DPP6: variants seen among roughly 807,000 people sequenced by gnomAD.
The protein encoded by DPP6 is dipeptidyl peptidase like 6.
DPP6 carries 69 observed loss-of-function variants against 122.6 expected under a neutral mutation model. That is an observed-to-expected ratio of 0.56 (90% CI 0.46 to 0.69). The LOEUF (loss-of-function observed/expected upper bound fraction) is 0.69. Among genes scored for constraint, DPP6 ranks in the 30% least tolerant of loss-of-function variants. The pLI is 0.00. For synonymous variants in DPP6, 418 were observed against 433.1 expected, an observed-to-expected ratio of 0.97 and a Z score of 0.43; for missense variants, 928 against 1,116.9, an observed-to-expected ratio of 0.83 and a Z score of 2.41.
At chr7:154,187,323 A>G (rs1798398128) in intron 1 of DPP6, among the ~76,000 whole-genome samples, 1 of 152,254 alleles carries the variant, frequency 6.6e-6, no homozygotes, top group Admixed American at 6.5e-5. Flanking sequence ...AGACCATTCT[A>G]CTTGCTGTGG....
intron 1 of DPP6, among the ~76,000 whole-genome samples, chr7:154,358,967 A>G (rs751595419): frequency 6.6e-6 from 1 of 152,170 alleles, no homozygotes; most frequent in East Asian, 1.9e-4. Flanking sequence ...CGGCCTCCCA[A>G]AGTGCTGGGA....
chr7:153,856,768 G>A, the DPP6 span, among the ~76,000 whole-genome samples: 1 of 152,144 alleles, frequency 6.6e-6, no homozygotes. Context: ...GGCATAATAT[G>A]TAATCATCCA....
At chr7:154,538,962 A>G (rs1473411106) in intron 3 of DPP6, among the ~76,000 whole-genome samples, 1 of 152,258 alleles carries the variant, frequency 6.6e-6, no homozygotes, top group African/African-American at 2.4e-5. Flanking sequence ...CATAATGCAT[A>G]AAGTAGATTG....
At chr7:154,557,912 T>C (rs1010998592) in intron 4 of DPP6, among the ~76,000 whole-genome samples, 15 of 152,184 alleles carry the variant, frequency 9.9e-5, no homozygotes, top group Non-Finnish European at 1.8e-4. Flanking sequence ...ACAAAATCTA[T>C]TTAAGTAATT....
At chr7:154,280,059 CAGTT>C (rs112137170) in intron 1 of DPP6, among the ~76,000 whole-genome samples, 1 of 152,238 alleles carries the variant, frequency 6.6e-6, no homozygotes, top group African/African-American at 2.4e-5. Flanking sequence ...ACCTAGATGA[CAGTT>C]AAACAATTGT....
At chr7:153,803,807 GTATA>G in the DPP6 span, among the ~76,000 whole-genome samples, 9 of 149,440 alleles carry the variant, frequency 6.0e-5, no homozygotes, top group East Asian at 1.8e-3. Context: ...GGATATATAT[GTATA>G]TATAGAAACA....
chr7:154,139,842 C>T (rs1412360575), intron 1 of DPP6, among the ~76,000 whole-genome samples: 1 of 152,188 alleles, frequency 6.6e-6, no homozygotes, highest in Admixed American at 6.5e-5. Flanking sequence ...TCTTTCTTCC[C>T]TCCAGCAACA....
intron 2 of DPP6, 144 bp from the exon 3 acceptor site, chr7:154,474,795 G>C: frequency 3.3e-6 from 2 of 606,122 alleles, no homozygotes; most frequent in Non-Finnish European, 5.7e-6. Flanking sequence ...CAGAATGCAA[G>C]ACTGGCTTTT....
At chr7:154,841,869 G>A (rs915640988) in intron 16 of DPP6, among the ~76,000 whole-genome samples, 14 of 152,226 alleles carry the variant, frequency 9.2e-5, no homozygotes, top group Admixed American at 6.5e-4. Context: ...TGTGGGGCAC[G>A]GAGTGGAGGG....
At chr7:154,497,375 A>T (rs950912203) in intron 3 of DPP6, among the ~76,000 whole-genome samples, 1 of 152,182 alleles carries the variant, frequency 6.6e-6, no homozygotes, top group African/African-American at 2.4e-5. Context: ...TGGGAGGCCC[A>T]GTTGGTTGGA....
At chr7:154,776,648 G>C (rs900057624) in intron 10 of DPP6, among the ~76,000 whole-genome samples, 2 of 152,188 alleles carry the variant, frequency 1.3e-5, no homozygotes, top group Admixed American at 1.3e-4. Flanking sequence ...TGGATGTATT[G>C]ACTTCAAATT....
intron 1 of DPP6, among the ~76,000 whole-genome samples, chr7:153,926,445 T>C (rs1585042771): frequency 6.6e-6 from 1 of 152,214 alleles, no homozygotes; most frequent in East Asian, 1.9e-4. Flanking sequence ...TCAGCCCTCA[T>C]GCCTTTGTCT....
intron 1 of DPP6, among the ~76,000 whole-genome samples, chr7:153,961,376 C>T: frequency 6.6e-6 from 1 of 151,184 alleles, no homozygotes; most frequent in Non-Finnish European, 1.5e-5. Flanking sequence ...GGCCAGTCTT[C>T]TGTGTAGGCA....
intron 1 of DPP6, among the ~76,000 whole-genome samples, chr7:154,338,919 G>A (rs908726143): frequency 3.9e-5 from 6 of 152,154 alleles, no homozygotes; most frequent in African/African-American, 1.2e-4. Context: ...GCGTTCATCC[G>A]TTTCTCTTAC....
intron 1 of DPP6, among the ~76,000 whole-genome samples, chr7:153,940,265 A>T (rs1801637036): frequency 6.6e-6 from 1 of 152,140 alleles, no homozygotes; most frequent in Admixed American, 6.6e-5. Context: ...GATCTATTTG[A>T]ATATTGGCCA....
chr7:153,795,441 A>C, the DPP6 span, among the ~76,000 whole-genome samples: 1 of 152,218 alleles, frequency 6.6e-6, no homozygotes, highest in African/African-American at 2.4e-5. Context: ...TAGAATCTAT[A>C]GTGATGCCAC....
intron 3 of DPP6, among the ~76,000 whole-genome samples, chr7:154,506,969 A>C (rs1257263855): frequency 1.3e-5 from 2 of 152,212 alleles, no homozygotes; most frequent in Non-Finnish European, 2.9e-5. Flanking sequence ...GAGAGCCTGG[A>C]AATTTCACAT....
chr7:154,098,310 T>C (rs1805479116), intron 1 of DPP6, among the ~76,000 whole-genome samples: 1 of 152,230 alleles, frequency 6.6e-6, no homozygotes, highest in Admixed American at 6.5e-5. Flanking sequence ...GTAAGTTTCC[T>C]GAGGCCTCCC....
chr7:154,080,144 G>A (rs1177982908), intron 1 of DPP6, among the ~76,000 whole-genome samples: 1 of 152,032 alleles, frequency 6.6e-6, no homozygotes, highest in East Asian at 1.9e-4. Context: ...TGGAGAAGGA[G>A]TACAAGGGAA....
Sources: gnomAD v4.1 joint callset for allele counts (sites outside exome capture counted in the v4.1 genomes callset) on GRCh38, gnomAD v4.1.1 for gene constraint, MANE v1.5 for transcripts, NCBI Gene and HGNC (gene_info 2026-07-23, HGNC 2026-07-21) for gene names.